KLF13: variants seen among roughly 807,000 people sequenced by gnomAD.
KLF13 encodes the protein KLF transcription factor 13.
KLF13 carries 8 observed loss-of-function variants against 16.7 expected under a neutral mutation model. The observed-to-expected ratio is 0.48, with a 90% confidence interval of 0.28 to 0.87. The LOEUF (loss-of-function observed/expected upper bound fraction) is 0.87. KLF13 is among the 40% of genes least tolerant of loss of function. The pLI is 0.10. For missense variants in KLF13, 447 were observed against 452.2 expected, an observed-to-expected ratio of 0.99 and a Z score of 0.10; for synonymous variants, 245 against 208.4, an observed-to-expected ratio of 1.18 and a Z score of -1.51.
intron 1 of KLF13, among the ~76,000 whole-genome samples, chr15:31,334,816 G>A (rs1436202690): frequency 1.3e-5 from 2 of 152,202 alleles, no homozygotes; most frequent in Non-Finnish European, 2.9e-5. Flanking sequence ...CTCCAGCTTG[G>A]CAATTCAGAA....
At chr15:31,392,600 C>A (rs1017653497), upstream of KLF13, among the ~76,000 whole-genome samples, 2 of 152,238 alleles carry the variant, frequency 1.3e-5, no homozygotes, top group African/African-American at 4.8e-5. Context: ...CTCGGCTCTT[C>A]CTCCCTGACC....
At chr15:31,419,010 C>T (rs1365175059) in intron 1 of KLF13, among the ~76,000 whole-genome samples, 2 of 152,126 alleles carry the variant, frequency 1.3e-5, no homozygotes, top group African/African-American at 2.4e-5. Flanking sequence ...AGTTCTGCAG[C>T]TGTACAGGAA....
At chr15:31,392,818 C>T (rs998038147), upstream of KLF13, 82 of 45,608 alleles carry the variant, frequency 1.8e-3, no homozygotes, top group African/African-American at 6.5e-3. Flanking sequence ...CCCCCCACCC[C>T]GCCCCCGCCC....
At chr15:31,401,280 G>A (rs1012709456) in intron 2 of KLF13, among the ~76,000 whole-genome samples, 3 of 152,242 alleles carry the variant, frequency 2.0e-5, no homozygotes, top group Admixed American at 6.5e-5. Context: ...GCCTACAGGT[G>A]TGAGCCACTG....
intron 1 of KLF13, among the ~76,000 whole-genome samples, chr15:31,383,881 A>C (rs183329763): frequency 1.3e-5 from 2 of 151,980 alleles, no homozygotes; most frequent in South Asian, 2.1e-4. Flanking sequence ...CAGCCTGGGC[A>C]ACAGAGCGAG....
intron 2 of KLF13, among the ~76,000 whole-genome samples, chr15:31,394,710 G>A (rs1420361898): frequency 6.6e-6 from 1 of 152,032 alleles, no homozygotes; most frequent in Non-Finnish European, 1.5e-5. Flanking sequence ...TAATCCATTG[G>A]CCTTTAGTAT....
chr15:31,339,815 C>T (rs564877162), intron 1 of KLF13: 15 of 630,356 alleles, frequency 2.4e-5, no homozygotes, highest in East Asian at 1.1e-4. Context: ...GATGTCCTCC[C>T]GCCCCCCGCC....
downstream of KLF13, among the ~76,000 whole-genome samples, chr15:31,408,042 GAAAGAAC>G (rs2040148644): frequency 6.6e-6 from 1 of 152,126 alleles, no homozygotes; most frequent in African/African-American, 2.4e-5. Context: ...CATGTAAGAG[GAAAGAAC>G]TGGAGGCATA....
At chr15:31,421,172 TAA>T (rs34533073) in intron 1 of KLF13, among the ~76,000 whole-genome samples, 9 of 151,678 alleles carry the variant, frequency 5.9e-5, no homozygotes, top group Non-Finnish European at 1.2e-4. Flanking sequence ...TTTTGGTTAT[TAA>T]AAAAAAATGA....
chr15:31,361,195 G>A (rs1376396507), intron 1 of KLF13, among the ~76,000 whole-genome samples: 1 of 152,162 alleles, frequency 6.6e-6, no homozygotes, highest in Non-Finnish European at 1.5e-5. Context: ...GGGTAGCCTC[G>A]CCGCACTGTG....
In KLF13 at chr15:31,376,953, C is replaced by T. The variant is rs2140972052; in HGVS notation, c.*4654C>T. The T allele has an allele frequency of 7.4e-6, 1 of 135,360 alleles. No individual in the cohort carries two copies. The highest frequency in any genetic ancestry group is 2.9e-5 in the African/African-American group (1 of 35,054). 8.4% of individuals were successfully genotyped at this position (135,360 alleles called of 1,614,324 possible). A position where few individuals can be genotyped will look rare whatever the true frequency, so the allele number is the denominator to read the frequency against. ...GTAGCGTCCCCTACCCTACAAGTCA[C>T]ACATTCCGGGGAGGGGGGTGGGGGG... On this transcript the variant is annotated 3_prime_UTR_variant, in exon 2 of 2. Coordinates refer to ENST00000307145, the MANE Select transcript of KLF13 (RefSeq NM_015995.4).
chr15:31,346,533 A>G (rs1027558778), intron 1 of KLF13, among the ~76,000 whole-genome samples: 4 of 152,200 alleles, frequency 2.6e-5, no homozygotes, highest in African/African-American at 9.7e-5. Context: ...CTTCCTCTGC[A>G]GGAGCTTCCA....
chr15:31,404,357 G>C (rs561890522), exon 3 of KLF13: 1 of 152,208 alleles, frequency 6.6e-6, no homozygotes, highest in African/African-American at 2.4e-5. Context: ...TGGGTGGGGC[G>C]GGGACTTGGA....
At chr15:31,387,417 G>A (rs1206756659) in intron 1 of KLF13, among the ~76,000 whole-genome samples, 1 of 152,170 alleles carries the variant, frequency 6.6e-6, no homozygotes, top group Non-Finnish European at 1.5e-5. Flanking sequence ...AGCAAAAAAA[G>A]TATTTTTAAA....
chr15:31,406,992 T>A (rs896800334), downstream of KLF13, among the ~76,000 whole-genome samples: 8 of 152,214 alleles, frequency 5.3e-5, no homozygotes, highest in Non-Finnish European at 1.2e-4. Flanking sequence ...AAATGACATC[T>A]GCAAAGTCCC....
chr15:31,369,789 ATTAAC>A (rs1306139991), intron 1 of KLF13, among the ~76,000 whole-genome samples: 1 of 152,218 alleles, frequency 6.6e-6, no homozygotes, highest in Non-Finnish European at 1.5e-5. Flanking sequence ...TGTGTGAGAC[ATTAAC>A]TTGGAAGGCC....
chr15:31,390,866 G>C (rs74519566), upstream of KLF13, among the ~76,000 whole-genome samples: 3,013 of 151,710 alleles, frequency 0.02, 76 homozygotes, highest in African/African-American at 0.061. Flanking sequence ...AGCTGAAACA[G>C]GCTTCCTTAC....
intron 1 of KLF13, among the ~76,000 whole-genome samples, chr15:31,333,185 G>A (rs1012650358): frequency 1.4e-4 from 21 of 152,214 alleles, no homozygotes; most frequent in African/African-American, 5.1e-4. Flanking sequence ...ACCCTATGAA[G>A]TAGGCTCTAT....
intron 1 of KLF13, among the ~76,000 whole-genome samples, chr15:31,435,168 A>G (rs1445342980): frequency 1.3e-5 from 2 of 151,962 alleles, no homozygotes; most frequent in African/African-American, 4.8e-5. Context: ...AATGTGTTGT[A>G]GGCTGTGGGG....
Sources: allele counts gnomAD v4.1 joint callset (sites outside exome capture counted in the v4.1 genomes callset), GRCh38; gene constraint gnomAD v4.1.1; transcripts MANE v1.5; gene names NCBI Gene and HGNC (gene_info 2026-07-23, HGNC 2026-07-21).